Variants in ELF2 observed in about 807,000 individuals in gnomAD.
The protein encoded by ELF2 is ETS-related transcription factor Elf-2.
ELF2 carries 11 observed loss-of-function variants against 54.8 expected under a neutral mutation model. The observed-to-expected ratio is 0.20, with a 90% CI of 0.13 to 0.33. The LOEUF is 0.33. ELF2 is among the 10% of genes least tolerant of loss of function. The pLI, the probability that ELF2 is intolerant of heterozygous loss-of-function variation, is 1.00. For missense variants in ELF2, 513 were observed against 703.0 expected (o/e 0.73, Z 3.06); for synonymous variants, 203 against 245.1 (o/e 0.83, Z 1.61).
chr4:139,099,485 C>T (rs183361407), intron 4 of ELF2, among the ~76,000 whole-genome samples: 3 of 152,288 alleles, frequency 2.0e-5, no homozygotes, highest in African/African-American at 7.2e-5. Context: ...TTCCTAAATA[C>T]ATGAATTCAG....
chr4:139,114,638 C>CTTTT (rs1320257893), intron 4 of ELF2, among the ~76,000 whole-genome samples: 3 of 56,136 alleles, frequency 5.3e-5, no homozygotes, highest in African/African-American at 1.8e-4. Context: ...TTTTTTTTTT[C>CTTTT]TTTCTTTTTT....
chr4:139,106,162 T>C (rs1734381403), intron 4 of ELF2, among the ~76,000 whole-genome samples: 1 of 152,156 alleles, frequency 6.6e-6, no homozygotes, highest in Admixed American at 6.5e-5. Flanking sequence ...AGAAATATAT[T>C]AAATGTTCAG....
chr4:139,103,895 A>G (rs1313839084), intron 4 of ELF2, among the ~76,000 whole-genome samples: 2 of 152,264 alleles, frequency 1.3e-5, no homozygotes, highest in Non-Finnish European at 2.9e-5. Flanking sequence ...ATAATTGTTT[A>G]AAGATATTCT....
chr4:139,172,004 G>C (rs1362338363), intron 1 of ELF2, among the ~76,000 whole-genome samples: 1 of 152,164 alleles, frequency 6.6e-6, no homozygotes, highest in South Asian at 2.1e-4. Context: ...AAGAAAACTA[G>C]AACTCTCAAA....
At chr4:139,166,449 A>G (rs1167328885) in intron 1 of ELF2, among the ~76,000 whole-genome samples, 1 of 152,180 alleles carries the variant, frequency 6.6e-6, no homozygotes, top group African/African-American at 2.4e-5. Flanking sequence ...AGGTTCATGG[A>G]AAAGATTTGT....
chr4:139,088,259 C>A (rs1447419476), intron 4 of ELF2, among the ~76,000 whole-genome samples: 1 of 142,844 alleles, frequency 7.0e-6, no homozygotes, highest in Non-Finnish European at 1.5e-5. Context: ...TGCACTCCAG[C>A]CTGGGAGCAG....
Position 139,073,560 on chromosome 4 carries a change from T to C in ELF2, c.246A>G (p.Ala82=), listed in dbSNP as rs1295869141. The change falls in exon 5 of 10, where the codon GCA becomes GCG. Residue 82 remains alanine (A), a synonymous_variant. Coordinates refer to ENST00000686138, the MANE Select transcript of ELF2 (RefSeq NM_001331036.3). ...VETENVETVE[A]SVHSSNAHCT... ...AGTGTGCATTACTGCTGTGAACTGA[T>C]GCTTCCACTGGAGGAAAAATAAGTT... The C allele has an allele frequency of 6.5e-7, 1 of 1,530,684 alleles. No homozygotes were observed. The highest frequency in any genetic ancestry group is 8.8e-7 in the Non-Finnish European group (1 of 1,130,036). 94.8% of individuals were successfully genotyped at this position (1,530,684 alleles called of 1,614,324 possible). A position where few individuals can be genotyped will look rare whatever the true frequency, so the allele number is the denominator to read the frequency against.
At chr4:139,064,882 A>AAAAAC (rs932271104) in intron 7 of ELF2, among the ~76,000 whole-genome samples, 58 of 152,270 alleles carry the variant, frequency 3.8e-4, no homozygotes, top group Middle Eastern at 3.4e-3. Flanking sequence ...CTCCACCTCA[A>AAAAAC]AAAACAAAAC....
chr4:139,173,707 G>A (rs1383073421), intron 1 of ELF2, among the ~76,000 whole-genome samples: 2 of 146,160 alleles, frequency 1.4e-5, no homozygotes, highest in African/African-American at 2.5e-5. Flanking sequence ...GCAATGAGCT[G>A]AGATCGTGCC....
chr4:139,154,516 C>G (rs988362753), intron 1 of ELF2, among the ~76,000 whole-genome samples: 5 of 150,926 alleles, frequency 3.3e-5, no homozygotes, highest in African/African-American at 1.2e-4. Flanking sequence ...ACTAAGCTGG[C>G]AACTGTGTCA....
chr4:139,140,623 G>A (rs1738611751), intron 1 of ELF2, among the ~76,000 whole-genome samples: 1 of 151,952 alleles, frequency 6.6e-6, no homozygotes, highest in African/African-American at 2.4e-5. Context: ...GCCTGGTAGT[G>A]CAAACCTGTA....
chr4:139,066,009 C>CTTTTTTTTTTTTTTT (rs372715360), intron 7 of ELF2: 1 of 105,710 alleles, frequency 9.5e-6, no homozygotes, highest in Non-Finnish European at 1.8e-5. Flanking sequence ...TCAATGTCAC[C>CTTTTTTTTTTTTTTT]TTTTTTTTTT....
intron 3 of ELF2, 93 bp from the exon 4 acceptor site, chr4:139,125,422 C>A: frequency 7.0e-7 from 1 of 1,420,972 alleles, no homozygotes; most frequent in Non-Finnish European, 9.4e-7. Context: ...CTCGAGCAGT[C>A]CACATAATGA....
chr4:139,071,282 T>A (rs1454853612), intron 6 of ELF2, among the ~76,000 whole-genome samples: 1 of 151,756 alleles, frequency 6.6e-6, no homozygotes, highest in Non-Finnish European at 1.5e-5. Flanking sequence ...ATATATATAT[T>A]TAGTATGACT....
In ELF2 at chr4:139,073,759, A is replaced by G. The variant is rs541279780; in HGVS notation, c.239-192T>C. On this transcript the variant is annotated intron_variant, in intron 4 of 9. Coordinates refer to ENST00000686138, the MANE Select transcript of ELF2 (RefSeq NM_001331036.3). Reference sequence around the variant, plus strand: ...TACAGAAATAATTTTTAAAAAGCTAATATCTACATTTTATAAAATGAATAC... The same window carrying G: ...TACAGAAATAATTTTTAAAAAGCTAGTATCTACATTTTATAAAATGAATAC... 11 of 320,280 alleles carry G rather than the reference A, an allele frequency of 3.4e-5. No individual in the cohort carries two copies. The South Asian group carries it at 1.3e-3, about 37-fold the overall frequency. 19.8% of individuals were successfully genotyped at this position (320,280 alleles called of 1,614,324 possible).
At chr4:139,176,420 C>G (rs1192156083) in intron 1 of ELF2, among the ~76,000 whole-genome samples, 3 of 151,990 alleles carry the variant, frequency 2.0e-5, no homozygotes, top group African/African-American at 7.2e-5. Flanking sequence ...TGCCCGCCAC[C>G]CAGAGCGGCC....
rs1280621733 is a variant in ELF2 at position 139,137,884 on chromosome 4, T to C, written c.-166-17A>G. On this transcript the variant is annotated splice_polypyrimidine_tract_variant and intron_variant, in intron 2 of 9. Transcript: ENST00000686138. ...CCAGAAAGCCTAAAAAGAGGAAGAA[T>C]TTGAAAAGTTATTTTAAAAATTACA... The C allele has an allele frequency of 3.5e-5, 45 of 1,290,936 alleles. No homozygotes were observed. Among genetic ancestry groups the C allele is most frequent in the Non-Finnish European group, 4.1e-5 (42 of 1,017,658 alleles). 80.0% of individuals were successfully genotyped at this position (1,290,936 alleles called of 1,614,324 possible).
At chr4:139,124,991 T>C (rs1437466408) in intron 4 of ELF2, among the ~76,000 whole-genome samples, 173 bp downstream of exon 4, 2 of 152,138 alleles carry the variant, frequency 1.3e-5, no homozygotes, top group Non-Finnish European at 2.9e-5. Flanking sequence ...AATTATACAA[T>C]AGAAGTTTTA....
intron 1 of ELF2, among the ~76,000 whole-genome samples, chr4:139,162,958 C>T (rs1025419268): frequency 1.3e-5 from 2 of 151,996 alleles, no homozygotes; most frequent in Admixed American, 1.3e-4. Context: ...ACTAGCCAGG[C>T]ATGGTAGCAT....
Sources: allele counts gnomAD v4.1 joint callset (sites outside exome capture counted in the v4.1 genomes callset), GRCh38; gene constraint gnomAD v4.1.1; transcripts MANE v1.5; gene names NCBI Gene and HGNC (gene_info 2026-07-23, HGNC 2026-07-21).